FBLN2: variants seen among roughly 807,000 people sequenced by gnomAD.
FBLN2 encodes fibulin-2.
FBLN2 carries 81 observed loss-of-function variants against 123.7 expected under a neutral mutation model. The ratio of observed to expected loss-of-function variants is 0.65; its 90% CI spans 0.55 to 0.79. The LOEUF is 0.79. Ranked by LOEUF, FBLN2 falls within the 30% of genes least tolerant of loss-of-function variation. FBLN2 has a pLI of 0.00. For missense variants in FBLN2, 1,603 were observed against 1,681.3 expected, an observed-to-expected ratio of 0.95 and a Z score of 0.81; for synonymous variants, 699 against 701.4, an observed-to-expected ratio of 1.00 and a Z score of 0.05.
intron 11 of FBLN2, among the ~76,000 whole-genome samples, chr3:13,628,665 C>T (rs1329530876): frequency 6.6e-6 from 1 of 152,232 alleles, no homozygotes. Context: ...TCCCGCCCTG[C>T]CTCCAGCTGC....
chr3:13,549,308 A>T (rs1472565576), intron 1 of FBLN2, 100 bp downstream of exon 1: 1 of 790,052 alleles, frequency 1.3e-6, no homozygotes, highest in Non-Finnish European at 1.5e-6. Flanking sequence ...GGCTCGGCGG[A>T]CCCTCGGACG....
At chr3:13,614,242 T>C in intron 5 of FBLN2, 78 bp downstream of exon 5, 1 of 1,413,622 alleles carries the variant, frequency 7.1e-7, no homozygotes, top group South Asian at 1.3e-5. Flanking sequence ...GGACCCTGGG[T>C]CCATCATCAC....
intron 1 of FBLN2, among the ~76,000 whole-genome samples, chr3:13,557,963 G>T (rs992770466): frequency 6.6e-6 from 1 of 152,216 alleles, no homozygotes; most frequent in Non-Finnish European, 1.5e-5. Context: ...TGCCTTGGGG[G>T]CCTCCAAGGC....
intron 4 of FBLN2, among the ~76,000 whole-genome samples, chr3:13,610,687 G>A (rs1282301679): frequency 3.9e-5 from 6 of 152,144 alleles, no homozygotes; most frequent in Non-Finnish European, 8.8e-5. Flanking sequence ...TGTCAGTTTG[G>A]CTACAAGTAA....
At chr3:13,609,288 T>C (rs1307192286) in intron 3 of FBLN2, among the ~76,000 whole-genome samples, 2 of 152,220 alleles carry the variant, frequency 1.3e-5, no homozygotes, top group Non-Finnish European at 2.9e-5. Context: ...TCAGAGGTCA[T>C]GAACACACAT....
intron 1 of FBLN2, among the ~76,000 whole-genome samples, chr3:13,551,694 G>A (rs943445428): frequency 1.3e-5 from 2 of 152,158 alleles, no homozygotes; most frequent in African/African-American, 4.8e-5. Flanking sequence ...CATGCTGATG[G>A]TAAGTGAAAC....
intron 1 of FBLN2, among the ~76,000 whole-genome samples, chr3:13,563,659 A>G (rs1287608534): frequency 6.6e-6 from 1 of 152,220 alleles, no homozygotes; most frequent in Non-Finnish European, 1.5e-5. Context: ...CGCAGCTCAC[A>G]TATCCCTCTG....
chr3:13,625,093 C>T (rs1705988636), intron 9 of FBLN2, among the ~76,000 whole-genome samples: 7 of 150,634 alleles, frequency 4.6e-5, no homozygotes, highest in Admixed American at 4.6e-4. Flanking sequence ...CCTCTGTGGC[C>T]TGGGGTGGTT....
At chr3:13,610,897 A>AATAATTATTATTATTATTATTATT (rs1705368752) in intron 4 of FBLN2, among the ~76,000 whole-genome samples, 1 of 144,804 alleles carries the variant, frequency 6.9e-6, no homozygotes. Flanking sequence ...CCTTGTTTTA[A>AATAATTATTATTATTATTATTATT]ATTATTATTA....
At chr3:13,622,376 G>A (rs1488257068) in intron 9 of FBLN2, among the ~76,000 whole-genome samples, 2 of 152,206 alleles carry the variant, frequency 1.3e-5, no homozygotes, top group Admixed American at 1.3e-4. Context: ...ACGATTGTGT[G>A]ACATGTATGT....
chr3:13,621,896 T>C lies in FBLN2; in HGVS notation c.2277T>C (p.Asn759=), dbSNP rs749048749. 3 of 1,613,462 alleles carry C rather than the reference T, an allele frequency of 1.9e-6. No homozygotes were observed. The African/African-American group carries it at 4.0e-5, about 22-fold the overall frequency. ...TVLCADGYIL[N]AHRKCVDINE... ...TCTGTGCCGATGGCTATATCCTCAA[T>C]GCGCACAGGAAGTGCGTGGGTAAGC... The change falls in exon 9 of 18, where the codon AAT becomes AAC. Residue 759 remains asparagine (N), a synonymous_variant. Transcript: ENST00000404922.
chr3:13,552,611 C>T (rs952073443), intron 1 of FBLN2, among the ~76,000 whole-genome samples: 1 of 152,140 alleles, frequency 6.6e-6, no homozygotes, highest in African/African-American at 2.4e-5. Context: ...CTGTATGCTA[C>T]AGGGGCAGAG....
intron 8 of FBLN2, among the ~76,000 whole-genome samples, chr3:13,620,264 T>C (rs1401171599): frequency 6.6e-6 from 1 of 152,132 alleles, no homozygotes; most frequent in Non-Finnish European, 1.5e-5. Flanking sequence ...ATGCTGCTGG[T>C]CCGCGGACAC....
chr3:13,629,503 G>A (rs554210582), intron 13 of FBLN2, among the ~76,000 whole-genome samples: 3 of 147,992 alleles, frequency 2.0e-5, no homozygotes, highest in Non-Finnish European at 4.4e-5. Flanking sequence ...AGTCCCTCCT[G>A]TCTCATCTCT....
intron 17 of FBLN2, 50 bp from the exon 18 acceptor site, chr3:13,637,512 G>T: frequency 6.7e-7 from 1 of 1,498,804 alleles, no homozygotes; most frequent in South Asian, 1.3e-5. Flanking sequence ...CCCGTCTGGG[G>T]ATGAGGGGGG....
rs776963935 is a variant in FBLN2 at position 13,637,552 on chromosome 3, C to G, written c.3339-10C>G. On this transcript the variant is annotated splice_polypyrimidine_tract_variant and intron_variant, in intron 17 of 17. Transcript: ENST00000404922. ...CGAGCTGTGGGTGACCCGGCCTATC[C>G]TCCCTGCAGGAAGTGCGAGCGCACC... The G allele has an allele frequency of 6.3e-7, 1 of 1,591,320 alleles. No homozygotes were observed. Among genetic ancestry groups the G allele is most frequent in the Non-Finnish European group, 8.6e-7 (1 of 1,165,648 alleles).
intron 2 of FBLN2, among the ~76,000 whole-genome samples, chr3:13,583,220 G>A (rs1014232670): frequency 1.3e-5 from 2 of 152,280 alleles, no homozygotes; most frequent in Admixed American, 1.3e-4. Flanking sequence ...AGGTCACCCT[G>A]CATCAGTGGA....
intron 8 of FBLN2, among the ~76,000 whole-genome samples, chr3:13,620,985 G>GC (rs1217309688): frequency 6.6e-6 from 1 of 152,206 alleles, no homozygotes; most frequent in Non-Finnish European, 1.5e-5. Context: ...TCTGGGCCCC[G>GC]CCCCCCATCT....
chr3:13,637,482 T>C (rs1327158048), intron 17 of FBLN2, 80 bp from the exon 18 acceptor site: 5 of 1,318,504 alleles, frequency 3.8e-6, no homozygotes, highest in Non-Finnish European at 5.2e-6. Flanking sequence ...ATCCTGCCGC[T>C]GAGCTGTGCC....
Sources: allele counts gnomAD v4.1 joint callset (sites outside exome capture counted in the v4.1 genomes callset), GRCh38; gene constraint gnomAD v4.1.1; transcripts MANE v1.5; gene names NCBI Gene and HGNC (gene_info 2026-07-23, HGNC 2026-07-21).